Variants in RFX2 observed in about 807,000 individuals in gnomAD.
The protein encoded by RFX2 is regulatory factor X2.
RFX2 carries 20 observed loss-of-function variants against 87.8 expected under a neutral mutation model. The ratio of observed to expected loss-of-function variants is 0.23; its 90% CI spans 0.16 to 0.33. The LOEUF is 0.33. RFX2 is among the 10% of genes least tolerant of loss of function. RFX2 has a pLI of 1.00. For synonymous variants in RFX2, 397 were observed against 431.3 expected, an observed-to-expected ratio of 0.92 and a Z score of 0.98; for missense variants, 767 against 1,012.3, an observed-to-expected ratio of 0.76 and a Z score of 3.29.
At chr19:6,089,413 A>G (rs1009268381) in intron 1 of RFX2, among the ~76,000 whole-genome samples, 2 of 152,152 alleles carry the variant, frequency 1.3e-5, no homozygotes, top group African/African-American at 2.4e-5. Context: ...GCCAGCCCTC[A>G]TGTCCTCTGG....
At chr19:6,079,060 G>A (rs1260846795) in intron 1 of RFX2, among the ~76,000 whole-genome samples, 4 of 152,248 alleles carry the variant, frequency 2.6e-5, no homozygotes, top group Non-Finnish European at 5.9e-5. Flanking sequence ...ATAGGCGTGA[G>A]CCACGGCGCC....
chr19:6,041,018 A>T (rs1393490571), intron 4 of RFX2, among the ~76,000 whole-genome samples: 3 of 152,228 alleles, frequency 2.0e-5, no homozygotes, highest in Admixed American at 6.5e-5. Context: ...GAACTGAATA[A>T]GGCCTGTGGG....
In RFX2 at chr19:6,023,636, C is replaced by G. The variant is rs539125247; in HGVS notation, c.597+2527G>C. On this transcript the variant is annotated intron_variant, in intron 6 of 17. Transcript: ENST00000303657. This position sits in a 1 kb window ranked among gnomAD's most constrained non-coding sequence, Gnocchi z 4.9. ...GCGAATCATCAGTGAGTAAAAGAAA[C>G]GAGAGATTTTACCTTCAGCTCGGGA... 6.6e-6 allele frequency among the ~76,000 whole-genome samples: 1 copy of G among 152,212 alleles called. No homozygotes were observed. The highest frequency in any genetic ancestry group is 2.4e-5 in the African/African-American group (1 of 41,518).
At chr19:6,032,224 C>A (rs959772332) in intron 5 of RFX2, among the ~76,000 whole-genome samples, 1 of 152,140 alleles carries the variant, frequency 6.6e-6, no homozygotes, top group East Asian at 1.9e-4. Context: ...CAGGTTCAAG[C>A]GATTCCCCTG....
intron 1 of RFX2, among the ~76,000 whole-genome samples, chr19:6,068,688 A>T (rs1418901531): frequency 1.3e-5 from 2 of 152,158 alleles, no homozygotes; most frequent in East Asian, 3.9e-4. Flanking sequence ...CTGGCTTGAA[A>T]CTGGAGCTGA....
Position 6,044,392 on chromosome 19 carries a change from T to C in RFX2, c.91-110A>G. On this transcript the variant is annotated intron_variant, in intron 2 of 17. Coordinates refer to ENST00000303657, the MANE Select transcript of RFX2 (RefSeq NM_000635.4). This position sits in a 1 kb window ranked among gnomAD's most constrained non-coding sequence, Gnocchi z 5.3. ...TGTTCATGTGCTTTTTATTAAAACATAGGCAGGACTGATCAGAGGCGACGG... is the reference window on the plus strand; with the variant it reads ...TGTTCATGTGCTTTTTATTAAAACACAGGCAGGACTGATCAGAGGCGACGG... 2 of 700,040 alleles carry C rather than the reference T, an allele frequency of 2.9e-6. No homozygotes were observed. The highest frequency in any genetic ancestry group is 4.3e-6 in the Non-Finnish European group (2 of 462,128). 43.4% of individuals were successfully genotyped at this position (700,040 alleles called of 1,614,324 possible).
At position 6,042,033 on chromosome 19, in the gene RFX2, G is replaced by T. The variant is rs754626076; in HGVS notation, c.260+11C>A. On this transcript the variant is annotated intron_variant, in intron 4 of 17. Transcript: ENST00000303657. ...AGGGTTCCGGGTGTGGCCCGCGGGAGAAGCACGCACATGGCTCCATTGGTG... is the reference window on the plus strand; with the variant it reads ...AGGGTTCCGGGTGTGGCCCGCGGGATAAGCACGCACATGGCTCCATTGGTG... 4 of 1,612,318 alleles carry T rather than the reference G, an allele frequency of 2.5e-6. No homozygotes were observed. Among genetic ancestry groups the T allele is most frequent in the Non-Finnish European group, 3.4e-6 (4 of 1,178,490 alleles).
chr19:6,072,455 C>T (rs1245532718), intron 1 of RFX2, among the ~76,000 whole-genome samples: 1 of 152,134 alleles, frequency 6.6e-6, no homozygotes, highest in Non-Finnish European at 1.5e-5. Context: ...GTAATCCCAG[C>T]GCTCTGAGAG....
At chr19:6,104,747 AGTGTC>A (rs1307234397) in intron 1 of RFX2, among the ~76,000 whole-genome samples, 2 of 152,068 alleles carry the variant, frequency 1.3e-5, no homozygotes, top group Non-Finnish European at 2.9e-5. Context: ...TTTCCCCATA[AGTGTC>A]AAGGAAACCA....
At position 6,044,284 on chromosome 19, in the gene RFX2, T is replaced by C; in HGVS notation, c.91-2A>G. 1 of 1,536,730 alleles carries C rather than the reference T, an allele frequency of 6.5e-7. No homozygotes were observed. Among genetic ancestry groups the C allele is most frequent in the Non-Finnish European group, 8.8e-7 (1 of 1,140,662 alleles). The stretch of plus-strand genomic sequence containing the variant: ...GCTGGCTGCCTGGACCAACACCCTC[T>C]AAAAGGGAAGGGAGAGAAGGCCAGT... On this transcript the variant is annotated splice_acceptor_variant, in intron 2 of 17. Coordinates refer to ENST00000303657, the MANE Select transcript of RFX2 (RefSeq NM_000635.4). LOFTEE classifies it high-confidence loss of function. The surrounding 1 kb of genome is among the most constrained non-coding windows in gnomAD (Gnocchi z 5.3).
chr19:6,093,188 T>G (rs1036408538), intron 1 of RFX2, among the ~76,000 whole-genome samples: 1 of 152,072 alleles, frequency 6.6e-6, no homozygotes, highest in African/African-American at 2.4e-5. Flanking sequence ...TGGACACGGG[T>G]GCTTACTGCA....
At chr19:6,033,453 T>C (rs1051379265) in intron 5 of RFX2, among the ~76,000 whole-genome samples, 3 of 152,124 alleles carry the variant, frequency 2.0e-5, no homozygotes, top group Admixed American at 2.0e-4. Context: ...GGATGACTTG[T>C]CTGGTAAATC....
chr19:6,006,709 C>G (rs113653835), intron 12 of RFX2, among the ~76,000 whole-genome samples: 2,564 of 151,918 alleles, frequency 0.017, 85 homozygotes, highest in African/African-American at 0.059. Flanking sequence ...CTCAGCCTCC[C>G]AAAGTGCTGG....
At chr19:6,089,569 G>A (rs945404496) in intron 1 of RFX2, among the ~76,000 whole-genome samples, 1 of 152,144 alleles carries the variant, frequency 6.6e-6, no homozygotes, top group African/African-American at 2.4e-5. Context: ...ATGGGATTAG[G>A]GTCCTTGCAA....
At chr19:6,036,656 T>C (rs1256533272) in intron 5 of RFX2, among the ~76,000 whole-genome samples, 2 of 152,150 alleles carry the variant, frequency 1.3e-5, no homozygotes, top group Non-Finnish European at 2.9e-5. Flanking sequence ...TGCTTACATA[T>C]GTAAAAAAAC....
rs758440310 is a variant in RFX2 at position 6,034,418 on chromosome 19, G to A, written c.522+5562C>T. Among the ~76,000 whole-genome samples, 23 of 151,990 alleles carry A rather than the reference G, an allele frequency of 1.5e-4. No homozygotes were observed. The Middle Eastern group carries it at 0.017, about 112-fold the overall frequency. On this transcript the variant is annotated intron_variant, in intron 5 of 17. Transcript: ENST00000303657. ...TAATTTTTGCATTTTTAGTAGAGAC[G>A]GGGTTTCACCATGTTGGCCAGGATT...
rs141184327 is a variant in RFX2, at chr19:6,024,982, T to G, written c.597+1181A>C. Among the ~76,000 whole-genome samples the G allele has an allele frequency of 1.2e-3, 178 of 144,820 alleles. 2 individuals are homozygous for G. Among genetic ancestry groups the G allele is most frequent in the African/African-American group, 4.2e-3 (151 of 35,686 alleles). On this transcript the variant is annotated intron_variant, in intron 6 of 17. Transcript: ENST00000303657. This position sits in a 1 kb window ranked among gnomAD's most constrained non-coding sequence, Gnocchi z 5.0. ...GGGAGTCAGGACGGGATCACGGTGA[T>G]GACTGGGGTCCACTGAAGGGGACTT...
intron 13 of RFX2, among the ~76,000 whole-genome samples, chr19:6,003,743 C>T (rs1399660176): frequency 1.5e-5 from 2 of 134,606 alleles, no homozygotes; most frequent in African/African-American, 5.7e-5. Flanking sequence ...AACACCATTG[C>T]ACTCCAGCCT....
chr19:6,080,036 G>A (rs2087756639), intron 1 of RFX2, among the ~76,000 whole-genome samples: 1 of 151,742 alleles, frequency 6.6e-6, no homozygotes, highest in African/African-American at 2.4e-5. Context: ...CCCATTCTAG[G>A]CTCTGAGGAT....
Sources: allele counts gnomAD v4.1 joint callset (sites outside exome capture counted in the v4.1 genomes callset), GRCh38; gene constraint gnomAD v4.1.1; non-coding constraint Gnocchi (gnomAD v3.1); transcripts MANE v1.5; gene names NCBI Gene and HGNC (gene_info 2026-07-23, HGNC 2026-07-21).